The following RGS5 variants were observed in gnomAD, a reference collection of about 807,000 sequenced individuals.
The protein encoded by RGS5 is regulator of G-protein signalling 5.
A neutral mutation model predicts 18.9 loss-of-function variants in RGS5; 20 were observed. That is an observed-to-expected ratio of 1.06 (90% CI 0.74 to 1.54). The LOEUF is 1.54. RGS5 is among the 40% of genes most tolerant of loss of function. The probability of loss-of-function intolerance (pLI) is 0.00; values close to 1 mark genes in which losing one functional copy is unlikely to be tolerated. For missense variants in RGS5, 201 were observed against 211.8 expected (o/e 0.95, Z 0.32); for synonymous variants, 57 against 76.2 (o/e 0.75, Z 1.31).
intron 2 of RGS5, among the ~76,000 whole-genome samples, chr1:163,257,739 T>A (rs749726772): frequency 2.0e-4 from 31 of 152,198 alleles, no homozygotes; most frequent in Non-Finnish European, 3.7e-4. Context: ...GTAACACAGC[T>A]GGGTCTAAAC....
chr1:163,161,851 A>G, intron 3 of RGS5, 64 bp downstream of exon 3: 1 of 1,246,506 alleles, frequency 8.0e-7, no homozygotes, highest in Non-Finnish European at 1.2e-6. Flanking sequence ...GGTAATACAA[A>G]GATGTTTTTT....
At chr1:163,152,481 T>C (rs1395178329) in intron 4 of RGS5, 69 bp downstream of exon 4, 1 of 1,487,046 alleles carries the variant, frequency 6.7e-7, no homozygotes, top group African/African-American at 1.4e-5. Context: ...GAGGTCTGTG[T>C]CTCAGATGTA....
chr1:163,151,211 T>C (rs957889995), intron 4 of RGS5, among the ~76,000 whole-genome samples: 5 of 152,214 alleles, frequency 3.3e-5, no homozygotes, highest in African/African-American at 9.6e-5. Flanking sequence ...ATCAGTGGTA[T>C]ATTGGCTTTC....
intron 1 of RGS5, among the ~76,000 whole-genome samples, chr1:163,311,495 TTTTTA>T (rs1435075783): frequency 1.3e-5 from 2 of 152,190 alleles, no homozygotes; most frequent in African/African-American, 4.8e-5. Flanking sequence ...TCATTTCTAG[TTTTTA>T]TTTTAAGTGA....
chr1:163,224,059 G>A (rs1194956129), intron 2 of RGS5, among the ~76,000 whole-genome samples: 1 of 152,050 alleles, frequency 6.6e-6, no homozygotes, highest in Non-Finnish European at 1.5e-5. Flanking sequence ...TTTCCTTGTG[G>A]CGAGAACATT....
intron 2 of RGS5, among the ~76,000 whole-genome samples, chr1:163,269,012 C>T (rs543386074): frequency 2.8e-4 from 42 of 152,200 alleles, no homozygotes; most frequent in Non-Finnish European, 4.3e-4. Flanking sequence ...TCTATGCTGT[C>T]GACTACTCCC....
intron 2 of RGS5, among the ~76,000 whole-genome samples, chr1:163,245,986 C>T (rs185238932): frequency 2.6e-5 from 4 of 152,170 alleles, no homozygotes; most frequent in African/African-American, 4.8e-5. Context: ...GAGGCCAAGG[C>T]GGGCGGATCA....
chr1:163,290,313 C>T (rs556261867), intron 2 of RGS5, among the ~76,000 whole-genome samples: 14 of 152,304 alleles, frequency 9.2e-5, no homozygotes, highest in East Asian at 1.9e-4. Flanking sequence ...TTTGTGTCCA[C>T]GTCCTCGATT....
At position 163,145,599 on chromosome 1, in the gene RGS5, T is replaced by C. The variant is rs1301906782; in HGVS notation, c.*1743A>G. 1.3e-5 allele frequency: 2 copies of C among 152,140 alleles called. No individual in the cohort carries two copies. Among genetic ancestry groups the C allele is most frequent in the Non-Finnish European group, 2.9e-5 (2 of 68,038 alleles). 9.4% of individuals were successfully genotyped at this position (152,140 alleles called of 1,614,324 possible). A position where few individuals can be genotyped will look rare whatever the true frequency, so the allele number is the denominator to read the frequency against. Reference sequence around the variant, plus strand: ...TTGAAGTGAGCAATACTGGCAAATATGAATGAATTCACACCACTAGCAATT... The same window carrying C: ...TTGAAGTGAGCAATACTGGCAAATACGAATGAATTCACACCACTAGCAATT... On this transcript the variant is annotated 3_prime_UTR_variant, in exon 5 of 5. Transcript: ENST00000313961.
Position 163,188,238 on chromosome 1 carries a change from G to A in RGS5, c.44+14554C>T, listed in dbSNP as rs1255344537. Among the ~76,000 whole-genome samples the A allele has an allele frequency of 1.3e-5, 2 of 152,160 alleles. 1 individual carries two copies. The highest frequency in any genetic ancestry group is 3.9e-4 in the East Asian group (2 of 5,192). ...GGAAATACAAACTAAGATGAGGCAT[G>A]CTAAACATACAATCCCACGGTCATT... On this transcript the variant is annotated intron_variant, in intron 1 of 4. Coordinates refer to ENST00000313961, the MANE Select transcript of RGS5 (RefSeq NM_003617.4).
At chr1:163,202,766 T>C (rs768501226) in intron 1 of RGS5, 26 bp downstream of exon 1, 4 of 1,611,158 alleles carry the variant, frequency 2.5e-6, no homozygotes, top group South Asian at 2.2e-5. Context: ...TCTGCATCTC[T>C]TAAACAAAAA....
At chr1:163,161,242 T>C (rs1405888468) in intron 3 of RGS5, among the ~76,000 whole-genome samples, 2 of 152,174 alleles carry the variant, frequency 1.3e-5, no homozygotes, top group East Asian at 1.9e-4. Context: ...CATATAGTTA[T>C]GGTGATCTTG....
intron 2 of RGS5, among the ~76,000 whole-genome samples, chr1:163,303,697 G>A (rs139828741): frequency 2.6e-5 from 4 of 152,232 alleles, no homozygotes; most frequent in East Asian, 1.9e-4. Context: ...GACAGGTACC[G>A]GTCTGTGGCC....
upstream of RGS5, among the ~76,000 whole-genome samples, chr1:163,222,045 C>T (rs1021656416): frequency 3.3e-5 from 5 of 152,160 alleles, no homozygotes; most frequent in Non-Finnish European, 7.3e-5. Context: ...GTTGCCAATA[C>T]AGCTTTTTTC....
intron 2 of RGS5, among the ~76,000 whole-genome samples, chr1:163,166,965 G>A (rs959191371): frequency 1.3e-5 from 2 of 152,050 alleles, no homozygotes; most frequent in African/African-American, 2.4e-5. Context: ...CTCCACTACC[G>A]CTTGGTGCCT....
rs2102374062 is a variant in RGS5, at chr1:163,143,849, A to C, written c.*3493T>G. On this transcript the variant is annotated 3_prime_UTR_variant, in exon 5 of 5. Transcript: ENST00000313961. ...AGAAGGGAATGCTTATTAGTTTATT[A>C]ATTTATTTGTTAATGGCCCAGTTTT... The C allele has an allele frequency of 6.6e-6, 1 of 152,222 alleles. No individual in the cohort carries two copies. Among genetic ancestry groups the C allele is most frequent in the South Asian group, 2.1e-4 (1 of 4,828 alleles). 9.4% of individuals were successfully genotyped at this position (152,222 alleles called of 1,614,324 possible). A position where few individuals can be genotyped will look rare whatever the true frequency, so the allele number is the denominator to read the frequency against.
At chr1:163,285,725 AT>A (rs1649125982) in intron 2 of RGS5, among the ~76,000 whole-genome samples, 1 of 151,934 alleles carries the variant, frequency 6.6e-6, no homozygotes, top group Non-Finnish European at 1.5e-5. Context: ...TGTTCTCTTG[AT>A]AGAGTTCTCA....
At chr1:163,238,998 G>T in intron 2 of RGS5, 1 of 218,358 alleles carries the variant, frequency 4.6e-6, no homozygotes, top group South Asian at 9.8e-5. Context: ...TAGGTTCCAG[G>T]GAACATGATG....
upstream of RGS5, among the ~76,000 whole-genome samples, chr1:163,205,616 G>C (rs948462868): frequency 1.5e-4 from 23 of 152,174 alleles, no homozygotes; most frequent in East Asian, 1.9e-4. Context: ...AGGGAATTCA[G>C]GGGGGTGCTT....
Sources: allele counts gnomAD v4.1 joint callset (sites outside exome capture counted in the v4.1 genomes callset), GRCh38; gene constraint gnomAD v4.1.1; transcripts MANE v1.5; gene names NCBI Gene and HGNC (gene_info 2026-07-23, HGNC 2026-07-21).